The following NRXN2 variants were observed in gnomAD, a reference collection of about 807,000 sequenced individuals.
NRXN2 encodes neurexin-2-beta.
Under a neutral mutation model 128.8 loss-of-function variants are expected in NRXN2, and 29 were observed. That is an observed-to-expected ratio of 0.23 (90% CI 0.17 to 0.31). The LOEUF (loss-of-function observed/expected upper bound fraction) is 0.31. Among genes scored for constraint, NRXN2 ranks in the 10% least tolerant of loss-of-function variants. The probability of loss-of-function intolerance (pLI) is 1.00; values close to 1 mark genes in which losing one functional copy is unlikely to be tolerated. For missense variants in NRXN2, 1,881 were observed against 2,452.6 expected (o/e 0.77, Z 4.92); for synonymous variants, 1,098 against 1,075.2 (o/e 1.02, Z -0.41).
intron 2 of NRXN2, among the ~76,000 whole-genome samples, chr11:64,705,402 G>C (rs754146913): frequency 6.6e-6 from 1 of 152,110 alleles, no homozygotes; most frequent in Non-Finnish European, 1.5e-5. Flanking sequence ...ATAAAACATC[G>C]AAGACACCCA....
At position 64,630,114 on chromosome 11, in the gene NRXN2, A is replaced by G. The variant is rs2043657157; in HGVS notation, c.3757+288T>C. ...CCCTCCACTTCTCCCCCCACCCCCA[A>G]ACTGGACCCTGGCCTTGCAACCTTC... On this transcript the variant is annotated intron_variant, in intron 19 of 22. Transcript: ENST00000265459. This position sits in a 1 kb window ranked among gnomAD's most constrained non-coding sequence, Gnocchi z 4.6. 7.1e-6 allele frequency among the ~76,000 whole-genome samples: 1 copy of G among 140,732 alleles called. No homozygotes were observed. The highest frequency in any genetic ancestry group is 1.5e-5 in the Non-Finnish European group (1 of 64,798). 92.3% of individuals were successfully genotyped at this position (140,732 alleles called of 152,430 possible). A position where few individuals can be genotyped will look rare whatever the true frequency, so the allele number is the denominator to read the frequency against.
Position 64,606,812 on chromosome 11 carries a change from G to GT in NRXN2, c.*383_*384insA. ...AAGGCAGGAGGGACAGAAGGAAGAA[G>GT]AAGAAAAATTGAGGAAAATTAACAG... On this transcript the variant is annotated 3_prime_UTR_variant, in exon 23 of 23. Coordinates refer to ENST00000265459, the MANE Select transcript of NRXN2 (RefSeq NM_015080.4). 4.7e-6 allele frequency: 1 copy of GT among 212,656 alleles called. No individual in the cohort carries two copies. Among genetic ancestry groups the GT allele is most frequent in the South Asian group, 1.0e-4 (1 of 10,028 alleles). 13.2% of individuals were successfully genotyped at this position (212,656 alleles called of 1,614,324 possible). A position where few individuals can be genotyped will look rare whatever the true frequency, so the allele number is the denominator to read the frequency against.
intron 17 of NRXN2, among the ~76,000 whole-genome samples, chr11:64,642,255 G>A (rs1417750827): frequency 2.6e-5 from 4 of 151,960 alleles, no homozygotes; most frequent in Non-Finnish European, 5.9e-5. Flanking sequence ...AGTAGAAGGA[G>A]ATAATGAACC....
intron 1 of NRXN2, among the ~76,000 whole-genome samples, chr11:64,722,193 C>T (rs2057450987): frequency 6.6e-6 from 1 of 151,902 alleles, no homozygotes; most frequent in Non-Finnish European, 1.5e-5. Flanking sequence ...CTTCCTCTCC[C>T]CCTGCAGCAC....
intron 4 of NRXN2, among the ~76,000 whole-genome samples, chr11:64,692,473 A>T (rs1183865035): frequency 1.3e-5 from 2 of 152,206 alleles, no homozygotes; most frequent in Non-Finnish European, 2.9e-5. Context: ...GAAGGAAATC[A>T]AACACCACCA....
In NRXN2 at chr11:64,651,437, C is replaced by G. The variant is rs371666354; in HGVS notation, c.2736G>C (p.Leu912=). The G allele has an allele frequency of 4.3e-6, 7 of 1,614,182 alleles. 1 individual carries two copies. In the South Asian group the frequency reaches 7.7e-5, roughly 18 times the overall value. Residue 912 remains leucine, a synonymous_variant, in exon 14 of 23, where the codon CTG becomes CTC. Coordinates refer to ENST00000265459, the MANE Select transcript of NRXN2 (RefSeq NM_015080.4). This position sits in a 1 kb window ranked among gnomAD's most constrained non-coding sequence, Gnocchi z 5.9. ...TYCELNARFG[L]RAIVADPVTF... is the part of the protein sequence containing the mutation. ...TGACGGGATCGGCCACGATGGCACG[C>G]AGGCCAAAGCGAGCATTGAGCTCAC... is the stretch of plus-strand genomic sequence containing the variant.
chr11:64,633,229 C>T (rs1193488598), intron 18 of NRXN2, among the ~76,000 whole-genome samples: 1 of 152,242 alleles, frequency 6.6e-6, no homozygotes, highest in Admixed American at 6.5e-5. Context: ...GATCCCCCTA[C>T]CCTTTCTCCT....
chr11:64,712,712 C>G lies in NRXN2; in HGVS notation c.730+258G>C, dbSNP rs771090878. 7.7e-6 allele frequency: 5 copies of G among 645,796 alleles called. No homozygotes were observed. In the Admixed American group the frequency reaches 1.1e-4, roughly 14 times the overall value. The allele number at this position is 645,796 out of a possible 1,614,324, so 40.0% of individuals were successfully genotyped here. On this transcript the variant is annotated intron_variant, in intron 2 of 22. Transcript: ENST00000265459. ...GCAGCCCCTTCAGAACCTGACCACA[C>G]AGGCTGCCCACAGGTCGCCGCAGGA...
At chr11:64,700,060 G>A (rs932761841) in intron 2 of NRXN2, among the ~76,000 whole-genome samples, 1 of 152,118 alleles carries the variant, frequency 6.6e-6, no homozygotes, top group Non-Finnish European at 1.5e-5. Context: ...CTCTTCCTCT[G>A]CTGCTCTTTG....
intron 19 of NRXN2, among the ~76,000 whole-genome samples, chr11:64,628,536 G>T (rs562641774): frequency 2.6e-5 from 4 of 152,258 alleles, no homozygotes; most frequent in South Asian, 4.2e-4. Context: ...AGGGGTCCCT[G>T]AGGAGAGGAG....
rs545989518 is a variant in NRXN2 at position 64,719,863 on chromosome 11, C to T, written c.-245+3108G>A. On this transcript the variant is annotated intron_variant, in intron 1 of 22. Transcript: ENST00000265459. ...TAAAGGTATCTATGACAGGTGTGTG[C>T]GCGTGTGTGTGCGTGCAGGGAAGGT... 1.2e-4 allele frequency among the ~76,000 whole-genome samples: 19 copies of T among 152,086 alleles called. No individual in the cohort carries two copies. The South Asian group carries it at 2.3e-3, about 18-fold the overall frequency.
At chr11:64,674,437 C>A (rs1044502880) in intron 7 of NRXN2, among the ~76,000 whole-genome samples, 2 of 152,142 alleles carry the variant, frequency 1.3e-5, no homozygotes, top group East Asian at 1.9e-4. Context: ...GGTGATCCAC[C>A]CACTTCAGCC....
At chr11:64,721,581 C>T (rs1191015355) in intron 1 of NRXN2, among the ~76,000 whole-genome samples, 3 of 152,078 alleles carry the variant, frequency 2.0e-5, no homozygotes, top group Admixed American at 1.3e-4. Context: ...GGCTGAAGCA[C>T]CCACAAAACA....
intron 22 of NRXN2, among the ~76,000 whole-genome samples, chr11:64,616,701 T>C (rs2041585185): frequency 6.6e-6 from 1 of 152,222 alleles, no homozygotes; most frequent in Non-Finnish European, 1.5e-5. Flanking sequence ...GGTCTGAGCA[T>C]GTGTGTGTGA....
At chr11:64,644,652 T>G (rs1591748916) in intron 17 of NRXN2, among the ~76,000 whole-genome samples, 3 of 148,804 alleles carry the variant, frequency 2.0e-5, no homozygotes, top group Non-Finnish European at 3.0e-5. Context: ...GGGGAGAGGG[T>G]GGGAAGGCAG....
chr11:64,648,768 C>T lies in NRXN2; in HGVS notation c.3249G>A (p.Leu1083=), dbSNP rs1280911341. The T allele has an allele frequency of 3.1e-6, 5 of 1,614,034 alleles. No individual in the cohort carries two copies. In the African/African-American group the frequency reaches 6.7e-5, roughly 22 times the overall value. Residue 1083 remains leucine (L), a synonymous_variant, in exon 16 of 23, where the codon CTG becomes CTA. Transcript: ENST00000265459. The surrounding 1 kb of genome is among the most constrained non-coding windows in gnomAD (Gnocchi z 4.1). ...CCCTCTCCACCTGCCCAATGCGGTG[C>T]AGGGCGTCGGCGATGAGGTCTGGGA... ...GRLPDLIADA[L]HRIGQVERGC...
At chr11:64,627,031 C>T (rs1001074789) in intron 19 of NRXN2, among the ~76,000 whole-genome samples, 1 of 152,040 alleles carries the variant, frequency 6.6e-6, no homozygotes, top group Non-Finnish European at 1.5e-5. Flanking sequence ...GGGGTTTATG[C>T]GGCATTTAGG....
At chr11:64,673,602 G>A (rs1399360338) in intron 7 of NRXN2, among the ~76,000 whole-genome samples, 1 of 152,232 alleles carries the variant, frequency 6.6e-6, no homozygotes, top group African/African-American at 2.4e-5. Flanking sequence ...GCAGGAAAGT[G>A]CAGACTTTAG....
At chr11:64,643,328 C>G in intron 17 of NRXN2, 1 of 654,636 alleles carries the variant, frequency 1.5e-6, no homozygotes, top group Non-Finnish European at 1.7e-6. Context: ...TGCCGCCCGA[C>G]GGAGGCCGGG....
Sources: allele counts gnomAD v4.1 joint callset (sites outside exome capture counted in the v4.1 genomes callset), GRCh38; gene constraint gnomAD v4.1.1; non-coding constraint Gnocchi (gnomAD v3.1); transcripts MANE v1.5; gene names NCBI Gene and HGNC (gene_info 2026-07-23, HGNC 2026-07-21).